GRIP1: variants seen among roughly 807,000 people sequenced by gnomAD.
GRIP1 encodes glutamate receptor-interacting protein 1.
Under a neutral mutation model 129.9 loss-of-function variants are expected in GRIP1, and 45 were observed. That is an observed-to-expected ratio of 0.35 (90% CI 0.27 to 0.44). The LOEUF is 0.44. Ranked by LOEUF, GRIP1 falls within the 20% of genes least tolerant of loss-of-function variation. The pLI, the probability that GRIP1 is intolerant of heterozygous loss-of-function variation, is 1.00. For synonymous variants in GRIP1, 530 were observed against 520.8 expected (o/e 1.02, Z -0.24); for missense variants, 1,196 against 1,396.8 (o/e 0.86, Z 2.29).
At chr12:66,747,935 T>G (rs113031720) in intron 1 of GRIP1, among the ~76,000 whole-genome samples, 2 of 152,330 alleles carry the variant, frequency 1.3e-5, no homozygotes, top group African/African-American at 4.8e-5. Flanking sequence ...ACATTATTTA[T>G]GCATATATAT....
chr12:66,523,540 G>A (rs2061102573), intron 5 of GRIP1, among the ~76,000 whole-genome samples: 1 of 151,812 alleles, frequency 6.6e-6, no homozygotes, highest in Non-Finnish European at 1.5e-5. Flanking sequence ...CACTAAACAT[G>A]GAAAGGAACA....
At chr12:66,760,752 T>A (rs1218988579) in intron 1 of GRIP1, among the ~76,000 whole-genome samples, 1 of 152,094 alleles carries the variant, frequency 6.6e-6, no homozygotes, top group Non-Finnish European at 1.5e-5. Flanking sequence ...TAAAAATGAC[T>A]GCACAATGAA....
intron 1 of GRIP1, among the ~76,000 whole-genome samples, chr12:66,953,414 C>A (rs1001501740): frequency 6.6e-6 from 1 of 152,182 alleles, no homozygotes; most frequent in Non-Finnish European, 1.5e-5. Flanking sequence ...AATTATCTCA[C>A]TTGATCCTGG....
At chr12:66,668,770 A>G (rs2033924848) in intron 1 of GRIP1, among the ~76,000 whole-genome samples, 1 of 134,186 alleles carries the variant, frequency 7.5e-6, no homozygotes, top group Non-Finnish European at 1.7e-5. Flanking sequence ...ATCACTATCA[A>G]AAAGAAAAAA....
chr12:66,768,166 T>C (rs1261657527), intron 1 of GRIP1, among the ~76,000 whole-genome samples: 1 of 152,210 alleles, frequency 6.6e-6, no homozygotes, highest in East Asian at 1.9e-4. Context: ...AGATTAATAT[T>C]GTTTGCTCCT....
chr12:66,691,105 G>A (rs1392154836), intron 1 of GRIP1, among the ~76,000 whole-genome samples: 1 of 152,124 alleles, frequency 6.6e-6, no homozygotes, highest in East Asian at 1.9e-4. Flanking sequence ...TTCATTTTAT[G>A]AGATTTTTGT....
At chr12:66,988,476 C>T (rs752298699) in intron 1 of GRIP1, among the ~76,000 whole-genome samples, 1 of 152,028 alleles carries the variant, frequency 6.6e-6, no homozygotes, top group Admixed American at 6.6e-5. Context: ...GCCTCCTGGG[C>T]TCAAGTGATT....
intron 1 of GRIP1, among the ~76,000 whole-genome samples, chr12:67,018,465 C>T (rs1338998199): frequency 5.9e-5 from 9 of 152,186 alleles, no homozygotes; most frequent in African/African-American, 1.9e-4. Context: ...TCTTGAATTC[C>T]GCAACAGATA....
intron 1 of GRIP1, among the ~76,000 whole-genome samples, chr12:66,633,010 T>A (rs917666059): frequency 6.6e-6 from 1 of 151,730 alleles, no homozygotes; most frequent in Non-Finnish European, 1.5e-5. Context: ...TATAAGAATA[T>A]CTGTAACTTT....
intron 1 of GRIP1, among the ~76,000 whole-genome samples, chr12:66,647,857 G>C (rs962073862): frequency 1.3e-5 from 2 of 152,042 alleles, no homozygotes; most frequent in African/African-American, 4.8e-5. Context: ...AAGAGACCTG[G>C]GTTAAATTCG....
At chr12:67,038,987 T>C (rs1003547688) in intron 1 of GRIP1, among the ~76,000 whole-genome samples, 1 of 150,430 alleles carries the variant, frequency 6.6e-6, no homozygotes, top group Admixed American at 6.7e-5. Context: ...CCCAAATCCC[T>C]ATATGTAATA....
At position 66,858,672 on chromosome 12, in the gene GRIP1, C is replaced by T. The variant is rs141384648; in HGVS notation, c.58+210378G>A. Among the ~76,000 whole-genome samples, 1,107 of 151,984 alleles carry T rather than the reference C, an allele frequency of 7.3e-3. 16 individuals carry two copies. The highest frequency in any genetic ancestry group is 0.025 in the African/African-American group (1,047 of 41,478). On this transcript the variant is annotated intron_variant, in intron 1 of 1. Coordinates refer to the GRIP1 transcript ENST00000643019. ...AACAGAATTTATAATAGGCTTCTTT[C>T]GGAGTTGCTATCACCTCACCTCTAT...
At chr12:67,001,915 T>C (rs1299437464) in intron 1 of GRIP1, among the ~76,000 whole-genome samples, 2 of 152,054 alleles carry the variant, frequency 1.3e-5, no homozygotes, top group African/African-American at 4.8e-5. Flanking sequence ...CAACCTTCCA[T>C]TGTCCCTACC....
At chr12:66,949,138 T>C (rs1328841814) in intron 1 of GRIP1, among the ~76,000 whole-genome samples, 1 of 152,220 alleles carries the variant, frequency 6.6e-6, no homozygotes, top group African/African-American at 2.4e-5. Flanking sequence ...GCTTAAATTT[T>C]GTTGAGAATG....
intron 1 of GRIP1, among the ~76,000 whole-genome samples, chr12:66,963,445 T>C (rs1226828503): frequency 1.3e-5 from 2 of 152,086 alleles, no homozygotes; most frequent in Admixed American, 6.6e-5. Flanking sequence ...ATATCTATAA[T>C]AAAGGTAGGG....
intron 19 of GRIP1, among the ~76,000 whole-genome samples, chr12:66,388,072 CG>C (rs2056430143): frequency 6.7e-6 from 1 of 148,456 alleles, no homozygotes; most frequent in Middle Eastern, 3.4e-3. Context: ...TAAAATTGTA[CG>C]TAAAAAAAAA....
rs2041419368 is a variant in GRIP1, at chr12:66,932,756, C to T, written c.58+136294G>A. Among the ~76,000 whole-genome samples, 3 of 152,150 alleles carry T rather than the reference C, an allele frequency of 2.0e-5. No homozygotes were observed. The South Asian group carries it at 6.2e-4, about 32-fold the overall frequency. ...TGATCTCGGCTCATTGCAATCTCTG[C>T]CATCTGGGTTCAAGCGATTCTCCTG... On this transcript the variant is annotated intron_variant, in intron 1 of 1. Transcript: ENST00000643019.
intron 1 of GRIP1, among the ~76,000 whole-genome samples, chr12:67,041,060 C>A (rs769058290): frequency 3.7e-4 from 56 of 152,120 alleles, no homozygotes; most frequent in Non-Finnish European, 1.5e-4. Flanking sequence ...CAGCTCTTTC[C>A]TGAGTGTCCA....
chr12:66,752,950 A>G (rs1046264979), intron 1 of GRIP1, among the ~76,000 whole-genome samples: 1 of 152,216 alleles, frequency 6.6e-6, no homozygotes, highest in African/African-American at 2.4e-5. Context: ...AAATAAGACA[A>G]CAATGGAGAA....
Sources: allele counts gnomAD v4.1 joint callset (sites outside exome capture counted in the v4.1 genomes callset), GRCh38; gene constraint gnomAD v4.1.1; transcripts MANE v1.5; gene names NCBI Gene and HGNC (gene_info 2026-07-23, HGNC 2026-07-21).